EFCAB6: variants seen among roughly 807,000 people sequenced by gnomAD.
EFCAB6 encodes EF-hand calcium binding domain 6, also known as EF-hand calcium-binding domain-containing protein 6.
EFCAB6 carries 156 observed loss-of-function variants against 169.8 expected under a neutral mutation model. The observed-to-expected ratio is 0.92, with a 90% CI of 0.81 to 1.05. EFCAB6 has a LOEUF of 1.05. Among genes scored for constraint, EFCAB6 ranks in the 50% least tolerant of loss-of-function variants. The probability of loss-of-function intolerance (pLI) is 0.00; values close to 1 mark genes in which losing one functional copy is unlikely to be tolerated. For missense variants in EFCAB6, 1,800 were observed against 1,829.1 expected (o/e 0.98, Z 0.29); for synonymous variants, 698 against 676.4 (o/e 1.03, Z -0.50).
At chr22:43,637,849 GA>G (rs1182020968) in intron 17 of EFCAB6, among the ~76,000 whole-genome samples, 3 of 152,268 alleles carry the variant, frequency 2.0e-5, no homozygotes, top group East Asian at 3.9e-4. Flanking sequence ...TGCTTGCTTT[GA>G]AAAAAACTTT....
chr22:43,801,915 T>C (rs1430930224), intron 2 of EFCAB6, among the ~76,000 whole-genome samples: 2 of 152,160 alleles, frequency 1.3e-5, no homozygotes, highest in South Asian at 2.1e-4. Flanking sequence ...TTAAAAAGCA[T>C]AGAGTGGCTG....
chr22:43,656,437 T>C (rs1398581817), intron 17 of EFCAB6, among the ~76,000 whole-genome samples: 1 of 151,412 alleles, frequency 6.6e-6, no homozygotes, highest in African/African-American at 2.4e-5. Context: ...GGTAAGGATA[T>C]AGAAGTTCTG....
At chr22:43,540,652 C>T (rs761567025) in intron 27 of EFCAB6, 1 of 1,034,908 alleles carries the variant, frequency 9.7e-7, no homozygotes. Flanking sequence ...TGATTAGTCA[C>T]AGTGCCTGAG....
chr22:43,566,226 A>G (rs570443185), intron 26 of EFCAB6, among the ~76,000 whole-genome samples: 5 of 152,208 alleles, frequency 3.3e-5, no homozygotes, highest in Non-Finnish European at 5.9e-5. Context: ...CGCTGTTTGC[A>G]CAAGTGAGGC....
At chr22:43,799,841 C>G (rs1368093000) in intron 2 of EFCAB6, among the ~76,000 whole-genome samples, 1 of 152,144 alleles carries the variant, frequency 6.6e-6, no homozygotes, top group Non-Finnish European at 1.5e-5. Flanking sequence ...ATCCACAACG[C>G]CCCTCCCCCC....
rs140948403 is a variant in EFCAB6 at position 43,731,763 on chromosome 22, G to A, written c.693C>T (p.Asn231=). ...NIHKDTAVDY[N]VFLKNLSINN... is the part of the protein sequence containing the mutation. ...TTATGCTGAGATTCTTCAAAAACAC[G>A]TTGTAATCTACTGCAGTATCCTTGT... Residue 231 remains asparagine (N), a synonymous_variant, in exon 8 of 32, where the codon AAC becomes AAT. Transcript: ENST00000262726. The A allele has an allele frequency of 4.6e-4, 735 of 1,603,062 alleles. 5 individuals carry two copies. In the African/African-American group the frequency reaches 7.3e-3, roughly 16 times the overall value.
At chr22:43,651,367 C>G (rs890406994) in intron 17 of EFCAB6, among the ~76,000 whole-genome samples, 4 of 152,230 alleles carry the variant, frequency 2.6e-5, no homozygotes, top group Admixed American at 6.5e-5. Context: ...TGGTGTTGAG[C>G]CTGTGAGTGC....
chr22:43,549,264 A>T (rs2048250154), intron 27 of EFCAB6, among the ~76,000 whole-genome samples: 1 of 152,178 alleles, frequency 6.6e-6, no homozygotes, highest in Non-Finnish European at 1.5e-5. Context: ...ATATCAACTA[A>T]ACGAAAAGTT....
intron 10 of EFCAB6, among the ~76,000 whole-genome samples, chr22:43,696,562 G>A (rs190387493): frequency 1.3e-5 from 2 of 152,200 alleles, no homozygotes; most frequent in East Asian, 3.9e-4. Flanking sequence ...TCTATCAACT[G>A]GTGAGCGTAT....
chr22:43,651,007 C>G (rs1349827578), intron 17 of EFCAB6, among the ~76,000 whole-genome samples: 1 of 152,200 alleles, frequency 6.6e-6, no homozygotes, highest in Non-Finnish European at 1.5e-5. Flanking sequence ...AGAAAATTTG[C>G]AGCCTGACAA....
Position 43,576,282 on chromosome 22 carries a change from T to C in EFCAB6, c.3420+15A>G. On this transcript the variant is annotated intron_variant, in intron 26 of 31. Coordinates refer to ENST00000262726, the MANE Select transcript of EFCAB6 (RefSeq NM_022785.4). ...CATTTTCAAAGAGATGCTTATGTGC[T>C]GCAGACATTCTTACCTCCTCAAGGA... is the stretch of plus-strand genomic sequence containing the variant. 6.4e-7 allele frequency: 1 copy of C among 1,569,742 alleles called. No homozygotes were observed. Among genetic ancestry groups the C allele is most frequent in the East Asian group, 2.3e-5 (1 of 43,182 alleles).
chr22:43,597,010 C>A (rs1416523189), intron 23 of EFCAB6, among the ~76,000 whole-genome samples: 2 of 152,128 alleles, frequency 1.3e-5, no homozygotes, highest in African/African-American at 4.8e-5. Context: ...AAAGAAAAGT[C>A]TCTTTAATAA....
chr22:43,734,926 C>T (rs979565036), intron 7 of EFCAB6, among the ~76,000 whole-genome samples: 1 of 152,124 alleles, frequency 6.6e-6, no homozygotes, highest in African/African-American at 2.4e-5. Flanking sequence ...GCTACCGGGA[C>T]CCATTTTCAT....
chr22:43,693,158 T>C (rs1288569634), intron 10 of EFCAB6, among the ~76,000 whole-genome samples: 1 of 152,042 alleles, frequency 6.6e-6, no homozygotes, highest in East Asian at 1.9e-4. Flanking sequence ...ATAGATTTCT[T>C]TATAAAACAA....
chr22:43,725,134 CTTTTTTTTTT>C (rs33983375), intron 8 of EFCAB6, among the ~76,000 whole-genome samples: 44 of 94,694 alleles, frequency 4.6e-4, no homozygotes, highest in Non-Finnish European at 3.4e-4. Context: ...GCCAAACTGG[CTTTTTTTTTT>C]TTTTTTTTTT....
intron 2 of EFCAB6, among the ~76,000 whole-genome samples, chr22:43,784,639 G>GTGTATATA (rs1556410503): frequency 3.1e-4 from 10 of 32,670 alleles, no homozygotes; most frequent in South Asian, 1.3e-3. Flanking sequence ...ATATGTATAT[G>GTGTATATA]TACACATATA....
chr22:43,600,022 T>C (rs1407451292), intron 23 of EFCAB6, 47 bp downstream of exon 23: 2 of 1,572,854 alleles, frequency 1.3e-6, no homozygotes, highest in African/African-American at 1.4e-5. Context: ...AGGCCAGATG[T>C]AAAAGGGGAC....
chr22:43,757,940 ATCTT>A (rs755834424), intron 5 of EFCAB6, among the ~76,000 whole-genome samples: 8 of 152,076 alleles, frequency 5.3e-5, no homozygotes, highest in Non-Finnish European at 8.8e-5. Context: ...TTCACTTTTA[ATCTT>A]TCTTTATGTT....
rs1234645291 is a variant in EFCAB6, at chr22:43,537,657, G to C, written c.3880-112C>G. The C allele has an allele frequency of 1.6e-6, 2 of 1,223,242 alleles. No homozygotes were observed. The highest frequency in any genetic ancestry group is 2.2e-6 in the Non-Finnish European group (2 of 905,352). 75.8% of individuals were successfully genotyped at this position (1,223,242 alleles called of 1,614,324 possible). On this transcript the variant is annotated intron_variant, in intron 28 of 31. Coordinates refer to ENST00000262726, the MANE Select transcript of EFCAB6 (RefSeq NM_022785.4). The surrounding 1 kb of genome is among the most constrained non-coding windows in gnomAD (Gnocchi z 4.3). Reference sequence around the variant, plus strand: ...GTTCACAATTTTAGAGGCAGAATTAGCCCAGAAATAAAATGAAGAATAAAA... The same window carrying C: ...GTTCACAATTTTAGAGGCAGAATTACCCCAGAAATAAAATGAAGAATAAAA...
Sources: gnomAD v4.1 joint callset for allele counts (sites outside exome capture counted in the v4.1 genomes callset) on GRCh38, gnomAD v4.1.1 for gene constraint, Gnocchi (gnomAD v3.1) non-coding constraint, MANE v1.5 for transcripts, NCBI Gene and HGNC (gene_info 2026-07-23, HGNC 2026-07-21) for gene names.